The following NLGN4X variants were observed in gnomAD, a reference collection of about 807,000 sequenced individuals.
NLGN4X encodes neuroligin-4, X-linked.
In NLGN4X, 3 loss-of-function variants were observed where a neutral mutation model predicts 40.3. That is an observed-to-expected ratio of 0.07 (90% CI 0.03 to 0.19). The LOEUF (loss-of-function observed/expected upper bound fraction) is 0.19. NLGN4X is among the 10% of genes least tolerant of loss of function. The pLI, the probability that NLGN4X is intolerant of heterozygous loss-of-function variation, is 1.00. For missense variants in NLGN4X, 382 were observed against 708.3 expected, an observed-to-expected ratio of 0.54 and a Z score of 5.23; for synonymous variants, 270 against 306.8, an observed-to-expected ratio of 0.88 and a Z score of 1.25.
At chrX:6,200,856 T>A (rs757250423) in intron 1 of NLGN4X, among the ~76,000 whole-genome samples, 66 of 107,778 alleles carry the variant, frequency 6.1e-4, no homozygotes, top group African/African-American at 1.8e-3. Flanking sequence ...CTGCCTAATT[T>A]TTATTATTAT....
chrX:6,058,025 T>A (rs908995786), intron 2 of NLGN4X, among the ~76,000 whole-genome samples: 1 of 111,467 alleles, frequency 9.0e-6, no homozygotes, highest in African/African-American at 3.3e-5. Flanking sequence ...ATCATAAAAA[T>A]ACGTCATAAA....
intron 1 of NLGN4X, among the ~76,000 whole-genome samples, chrX:6,228,176 C>A (rs771778115): frequency 8.9e-6 from 1 of 111,775 alleles, no homozygotes; most frequent in African/African-American, 3.3e-5. Context: ...ACATCACACA[C>A]GGCCCCAGAG....
intron 1 of NLGN4X, among the ~76,000 whole-genome samples, chrX:6,207,349 CTT>C (rs1052039514): frequency 8.9e-6 from 1 of 112,211 alleles, no homozygotes; most frequent in Non-Finnish European, 1.9e-5. Flanking sequence ...AATAAGTTAA[CTT>C]TTCCTTTTCT....
intron 2 of NLGN4X, among the ~76,000 whole-genome samples, chrX:6,133,970 A>C (rs2039750172): frequency 9.0e-6 from 1 of 111,649 alleles, no homozygotes; most frequent in Non-Finnish European, 1.9e-5. Context: ...ATACATAAAT[A>C]AAAGGGCTTA....
intron 2 of NLGN4X, among the ~76,000 whole-genome samples, chrX:6,037,076 G>A (rs1033588840): frequency 9.0e-6 from 1 of 111,227 alleles, no homozygotes; most frequent in East Asian, 2.8e-4. Context: ...ACTTTGGGAC[G>A]TCGAGGTGGG....
Position 6,133,224 on chromosome X carries a change from CCAT to C in NLGN4X, c.472+17768_472+17770del, listed in dbSNP as rs761872318. Among the ~76,000 whole-genome samples, 18 of 110,626 alleles carry C rather than the reference CCAT, an allele frequency of 1.6e-4. No homozygotes were observed. The South Asian group carries it at 2.3e-3, about 14-fold the overall frequency. On this transcript the variant is annotated intron_variant, in intron 2 of 5. Coordinates refer to ENST00000381095, the MANE Select transcript of NLGN4X (RefSeq NM_181332.3). ...ATCACCATCATAACCATCATCATCA[CCAT>C]CATCATCATCATCTAGTAGTAGTAG...
At chrX:5,940,258 T>C (rs1414388276) in intron 3 of NLGN4X, among the ~76,000 whole-genome samples, 1 of 111,210 alleles carries the variant, frequency 9.0e-6, no homozygotes, top group Non-Finnish European at 1.9e-5. Flanking sequence ...ATTTTAAATG[T>C]ATACTATCCC....
chrX:6,123,440 C>T (rs1301569694), intron 2 of NLGN4X, among the ~76,000 whole-genome samples: 1 of 111,298 alleles, frequency 9.0e-6, no homozygotes, highest in Non-Finnish European at 1.9e-5. Flanking sequence ...TATATTTCTG[C>T]AAGGAGAGGA....
intron 3 of NLGN4X, among the ~76,000 whole-genome samples, chrX:5,993,749 A>C (rs910210276): frequency 3.6e-5 from 4 of 111,637 alleles, no homozygotes; most frequent in Non-Finnish European, 7.5e-5. Flanking sequence ...CCAAATGTGA[A>C]CCACATAGAA....
chrX:5,915,712 G>A (rs2032760123), intron 3 of NLGN4X, among the ~76,000 whole-genome samples: 1 of 111,722 alleles, frequency 9.0e-6, no homozygotes, highest in African/African-American at 3.3e-5. Context: ...GCTGATTTTT[G>A]TATGTTTAGT....
chrX:6,094,697 A>G (rs1235519189), intron 2 of NLGN4X, among the ~76,000 whole-genome samples: 1 of 111,561 alleles, frequency 9.0e-6, no homozygotes. Flanking sequence ...TCTACAAATG[A>G]ATGTAGTTAG....
chrX:6,033,483 T>C (rs913374255), intron 2 of NLGN4X, among the ~76,000 whole-genome samples: 1 of 112,264 alleles, frequency 8.9e-6, no homozygotes, highest in African/African-American at 3.2e-5. Context: ...ATGTCCTATG[T>C]GTTTAAAATA....
intron 3 of NLGN4X, among the ~76,000 whole-genome samples, chrX:6,013,292 A>C (rs751812441): frequency 1.8e-5 from 2 of 111,055 alleles, no homozygotes; most frequent in Non-Finnish European, 3.8e-5. Flanking sequence ...GGAACATGGA[A>C]TCTCCAGTGT....
chrX:6,204,029 T>G (rs1311060800), intron 1 of NLGN4X, among the ~76,000 whole-genome samples: 1 of 112,269 alleles, frequency 8.9e-6, no homozygotes, highest in African/African-American at 3.2e-5. Flanking sequence ...AGAGTCTCCC[T>G]GGGATCAGAG....
At chrX:5,938,161 G>C (rs1750089578) in intron 3 of NLGN4X, among the ~76,000 whole-genome samples, 2 of 111,571 alleles carry the variant, frequency 1.8e-5, no homozygotes, top group African/African-American at 6.5e-5. Flanking sequence ...GAGTCAAGGA[G>C]AAAAATAAAG....
intron 3 of NLGN4X, among the ~76,000 whole-genome samples, chrX:5,914,320 G>T (rs1316362209): frequency 9.0e-6 from 1 of 111,603 alleles, no homozygotes; most frequent in African/African-American, 3.3e-5. Context: ...ACATCACAGG[G>T]CTTAGGAGAA....
intron 3 of NLGN4X, among the ~76,000 whole-genome samples, chrX:5,947,365 G>C (rs1439093892): frequency 8.9e-6 from 1 of 111,758 alleles, no homozygotes; most frequent in Non-Finnish European, 1.9e-5. Flanking sequence ...TTTTGTTTAG[G>C]ATTAAAGATT....
Position 5,905,054 on chromosome X carries a change from G to T in NLGN4X, c.812-1188C>A, listed in dbSNP as rs565752878. Reference sequence around the variant, plus strand: ...ATTGACTTGAGTGCTTGGCTCTGAAGATTATTTTAAAATGTCCAAAAAAAA... The same window carrying T: ...ATTGACTTGAGTGCTTGGCTCTGAATATTATTTTAAAATGTCCAAAAAAAA... On this transcript the variant is annotated intron_variant, in intron 4 of 5. Coordinates refer to ENST00000381095, the MANE Select transcript of NLGN4X (RefSeq NM_181332.3). 6.8e-5 allele frequency among the ~76,000 whole-genome samples: 7 copies of T among 102,576 alleles called. No individual in the cohort carries two copies. The South Asian group carries it at 3.1e-3, about 46-fold the overall frequency. The allele number at this position is 102,576 out of a possible 115,157, so 89.1% of individuals were successfully genotyped here. A position where few individuals can be genotyped will look rare whatever the true frequency, so the allele number is the denominator to read the frequency against.
intron 2 of NLGN4X, among the ~76,000 whole-genome samples, chrX:6,046,704 T>A (rs1305887120): frequency 3.6e-5 from 4 of 110,303 alleles, no homozygotes; most frequent in Non-Finnish European, 7.6e-5. Flanking sequence ...AATGGTATTC[T>A]TTAAATGTGG....
Sources: allele counts gnomAD v4.1 joint callset (sites outside exome capture counted in the v4.1 genomes callset), GRCh38; gene constraint gnomAD v4.1.1; transcripts MANE v1.5; gene names NCBI Gene and HGNC (gene_info 2026-07-23, HGNC 2026-07-21).